Variants in SARS2 observed in about 807,000 individuals in gnomAD.
SARS2 encodes serine--tRNA ligase, mitochondrial.
Under a neutral mutation model 66.8 loss-of-function variants are expected in SARS2, and 52 were observed. The observed-to-expected ratio is 0.78, with a 90% CI of 0.62 to 0.98. The LOEUF (loss-of-function observed/expected upper bound fraction) is 0.98, where lower values mean the gene tolerates loss of function less well. SARS2 is among the 50% of genes least tolerant of loss of function. The pLI is 0.00. For synonymous variants in SARS2, 306 were observed against 281.4 expected, an observed-to-expected ratio of 1.09 and a Z score of -0.87; for missense variants, 673 against 706.3, an observed-to-expected ratio of 0.95 and a Z score of 0.53.
Position 38,920,948 on chromosome 19 carries a change from C to G in SARS2, c.589+444G>C, listed in dbSNP as rs201362509. 6.8e-4 allele frequency among the ~76,000 whole-genome samples: 53 copies of G among 78,488 alleles called. 2 individuals carry two copies. The highest frequency in any genetic ancestry group is 3.7e-3 in the East Asian group (13 of 3,510). 51.5% of individuals were successfully genotyped at this position (78,488 alleles called of 152,430 possible). A position where few individuals can be genotyped will look rare whatever the true frequency, so the allele number is the denominator to read the frequency against. ...ATAGACACACACATAGACACACACA[C>G]ACAGACACAGACACAGATACAGACA... On this transcript the variant is annotated intron_variant, in intron 5 of 15. Coordinates refer to ENST00000221431, the MANE Select transcript of SARS2 (RefSeq NM_017827.4).
chr19:38,921,070 T>C (rs60243653), intron 5 of SARS2, among the ~76,000 whole-genome samples: 5 of 68,768 alleles, frequency 7.3e-5, no homozygotes, highest in Non-Finnish European at 8.3e-5. Context: ...CACATACAGA[T>C]ACAGACACAC....
chr19:38,918,579 C>T (rs778154184), intron 8 of SARS2, 49 bp from the exon 9 acceptor site: 1 of 1,505,118 alleles, frequency 6.6e-7, no homozygotes, highest in South Asian at 1.1e-5. Flanking sequence ...GTAACCCTGG[C>T]CTCTCGTTTT....
intron 3 of SARS2, 57 bp from the exon 4 acceptor site, chr19:38,921,724 T>G: frequency 1.2e-6 from 2 of 1,604,982 alleles, no homozygotes. Flanking sequence ...CCTCATCCAG[T>G]GTGACCTTGA....
intron 7 of SARS2, among the ~76,000 whole-genome samples, chr19:38,919,489 A>G (rs902610141): frequency 1.3e-5 from 2 of 152,236 alleles, no homozygotes; most frequent in African/African-American, 4.8e-5. Context: ...AATGATTACA[A>G]GCACAGGCTC....
At chr19:38,922,126 T>TC (rs397730475) in intron 3 of SARS2, 112 bp downstream of exon 3, 29 of 1,598,232 alleles carry the variant, frequency 1.8e-5, no homozygotes, top group Admixed American at 8.4e-5. Context: ...ATTTTTTTTT[T>TC]CCCCTTAAAC....
At chr19:38,923,124 C>T (rs1448029961) in intron 2 of SARS2, among the ~76,000 whole-genome samples, 1 of 151,110 alleles carries the variant, frequency 6.6e-6, no homozygotes, top group Non-Finnish European at 1.5e-5. Flanking sequence ...CCAGGATGGT[C>T]TCGATCTCCT....
chr19:38,917,068 T>C (rs1974430924), intron 12 of SARS2, among the ~76,000 whole-genome samples: 1 of 151,600 alleles, frequency 6.6e-6, no homozygotes, highest in Non-Finnish European at 1.5e-5. Context: ...GTTCAAGCAA[T>C]TCTCCTGCCT....
intron 1 of SARS2, chr19:38,930,231 T>C: frequency 1.7e-6 from 1 of 572,748 alleles, no homozygotes; most frequent in Non-Finnish European, 3.1e-6. Context: ...CAGCGAGCAG[T>C]ATGAAACAAG....
intron 2 of SARS2, among the ~76,000 whole-genome samples, chr19:38,925,849 C>A (rs1212762056): frequency 6.6e-6 from 1 of 152,178 alleles, no homozygotes; most frequent in East Asian, 1.9e-4. Flanking sequence ...GGGAGTCTCG[C>A]TCTGTCGCCC....
chr19:38,915,954 C>T lies in SARS2; in HGVS notation c.1348-48G>A, dbSNP rs570383810. ...ACTGGCGCCCACCCCAAGCTGAGCC[C>T]GGGGAGGAGCCAAGGTGGGTGGGTC... On this transcript the variant is annotated intron_variant, in intron 14 of 15. Transcript: ENST00000221431. The T allele has an allele frequency of 3.8e-5, 62 of 1,612,750 alleles. 1 individual carries two copies. In the South Asian group the frequency reaches 4.2e-4, roughly 11 times the overall value.
rs978957426 is a variant in SARS2 at position 38,921,329 on chromosome 19, C to T, written c.589+63G>A. ...TTCCCAGACCCCAGGGGCCCCCACC[C>T]CGAGACCCCAGAACCCCCACACCGC... is the stretch of plus-strand genomic sequence containing the variant. On this transcript the variant is annotated intron_variant, in intron 5 of 15. Transcript: ENST00000221431. The T allele has an allele frequency of 1.2e-4, 194 of 1,578,280 alleles. 1 individual carries two copies. The highest frequency in any genetic ancestry group is 1.6e-4 in the Non-Finnish European group (187 of 1,156,970).
chr19:38,920,184 C>G, intron 5 of SARS2, 35 bp from the exon 6 acceptor site: 1 of 1,530,054 alleles, frequency 6.5e-7, no homozygotes. Context: ...TGTAAGGCAG[C>G]GGGGAGAGAG....
At chr19:38,926,932 A>ATTT (rs771202609) in intron 1 of SARS2, among the ~76,000 whole-genome samples, 2 of 138,964 alleles carry the variant, frequency 1.4e-5, no homozygotes, top group African/African-American at 2.7e-5. Context: ...CCTCTAAGAA[A>ATTT]TTTTTTTTTT....
chr19:38,930,748 A>T lies in SARS2; in HGVS notation c.-12T>A. On this transcript the variant is annotated 5_prime_UTR_variant, in exon 1 of 16. Coordinates refer to ENST00000221431, the MANE Select transcript of SARS2 (RefSeq NM_017827.4). ...ATGGACGCAGCCATCTTGGACCGGGAACAAGGCGGCACTTCGTCCCGCCCA... is the reference window on the plus strand; with the variant it reads ...ATGGACGCAGCCATCTTGGACCGGGTACAAGGCGGCACTTCGTCCCGCCCA... 1 of 1,611,612 alleles carries T rather than the reference A, an allele frequency of 6.2e-7. No homozygotes were observed. The highest frequency in any genetic ancestry group is 1.3e-5 in the African/African-American group (1 of 75,020).
chr19:38,930,077 G>C (rs1432278764), intron 1 of SARS2: 1 of 201,418 alleles, frequency 5.0e-6, no homozygotes, highest in Non-Finnish European at 1.0e-5. Flanking sequence ...CTAAACGCAA[G>C]AGCTCCACCA....
intron 5 of SARS2, 31 bp downstream of exon 5, chr19:38,921,361 T>C (rs993949330): frequency 6.2e-7 from 1 of 1,611,098 alleles, no homozygotes; most frequent in African/African-American, 1.3e-5. Flanking sequence ...CCGCAGGGCT[T>C]GTCAGCTCCC....
chr19:38,916,385 G>A (rs1453279735), intron 12 of SARS2, 71 bp from the exon 13 acceptor site: 15 of 1,382,466 alleles, frequency 1.1e-5, no homozygotes, highest in African/African-American at 1.0e-4. Context: ...AAATGGAAAC[G>A]ATGGAAGAGA....
At position 38,917,782 on chromosome 19, in the gene SARS2, G is replaced by C; in HGVS notation, c.1102C>G (p.Leu368Val). The C allele has an allele frequency of 1.2e-6, 2 of 1,612,426 alleles. No individual in the cohort carries two copies. The part of the protein sequence containing the change: ...GPGLEQSSQL[L>V]EEFLSLQMEI... The stretch of plus-strand genomic sequence containing the variant: ...ATCTGAAGGGACAGGAACTCCTCCA[G>C]CAGCTGTGAGCTCTGCTCCAGCCCA... The change falls in exon 12 of 16, where the codon CTG becomes GTG. Residue 368 changes from leucine to valine, a missense_variant. Physicochemically the swap from Leu to Val is conservative, Grantham distance 32. Coordinates refer to ENST00000221431, the MANE Select transcript of SARS2 (RefSeq NM_017827.4).
At chr19:38,915,949 G>A (rs1196806333) in intron 14 of SARS2, 43 bp from the exon 15 acceptor site, 45 of 1,612,878 alleles carry the variant, frequency 2.8e-5, no homozygotes, top group African/African-American at 6.7e-5. Context: ...ACCCCAAGCT[G>A]AGCCCGGGGA....
Sources: gnomAD v4.1 joint callset for allele counts (sites outside exome capture counted in the v4.1 genomes callset) on GRCh38, gnomAD v4.1.1 for gene constraint, MANE v1.5 for transcripts, NCBI Gene and HGNC (gene_info 2026-07-23, HGNC 2026-07-21) for gene names.